RAB2B: variants seen among roughly 807,000 people sequenced by gnomAD.
RAB2B encodes RAB2B, member RAS oncogene family, also known as ras-related protein Rab-2B.
In RAB2B, 20 loss-of-function variants were observed where a neutral mutation model predicts 29.8. The observed-to-expected ratio is 0.67, with a 90% CI of 0.47 to 0.97. The LOEUF is 0.97. Among genes scored for constraint, RAB2B ranks in the 50% least tolerant of loss-of-function variants. The pLI, the probability that RAB2B is intolerant of heterozygous loss-of-function variation, is 0.00. For missense variants in RAB2B, 218 were observed against 272.0 expected (o/e 0.80, Z 1.40); for synonymous variants, 93 against 91.7 (o/e 1.01, Z -0.08).
Position 21,460,357 on chromosome 14 carries a change from T to C in RAB2B, c.*839A>G, listed in dbSNP as rs1212249777. On this transcript the variant is annotated 3_prime_UTR_variant, in exon 8 of 8. Coordinates refer to ENST00000397762, the MANE Select transcript of RAB2B (RefSeq NM_032846.4). ...AATCCAGCACTTTGGGAGGCCAAGGTGGGCGGATCACGAGGTCAAGAGATC... is the reference window on the plus strand; with the variant it reads ...AATCCAGCACTTTGGGAGGCCAAGGCGGGCGGATCACGAGGTCAAGAGATC... 3 of 502,478 alleles carry C rather than the reference T, an allele frequency of 6.0e-6. No homozygotes were observed. The highest frequency in any genetic ancestry group is 5.9e-5 in the African/African-American group (3 of 51,142). 31.1% of individuals were successfully genotyped at this position (502,478 alleles called of 1,614,324 possible). A position where few individuals can be genotyped will look rare whatever the true frequency, so the allele number is the denominator to read the frequency against.
At chr14:21,468,640 T>G in intron 4 of RAB2B, 30 bp downstream of exon 4, 3 of 1,444,668 alleles carry the variant, frequency 2.1e-6, no homozygotes, top group Non-Finnish European at 2.8e-6. Context: ...TAGGGAAGAA[T>G]CTCCCTCCCA....
At chr14:21,469,417 G>A (rs1890755587) in intron 3 of RAB2B, among the ~76,000 whole-genome samples, 1 of 152,168 alleles carries the variant, frequency 6.6e-6, no homozygotes, top group African/African-American at 2.4e-5. Flanking sequence ...AACAAACAGA[G>A]AAAGAAGCCC....
In RAB2B at chr14:21,476,729, G is replaced by A. The variant is rs554688656; in HGVS notation, c.46+98C>T. 1.0e-3 allele frequency: 1,351 copies of A among 1,350,048 alleles called. 8 individuals carry two copies. The African/African-American group carries it at 0.017, about 17-fold the overall frequency. 83.6% of individuals were successfully genotyped at this position (1,350,048 alleles called of 1,614,324 possible). On this transcript the variant is annotated intron_variant, in intron 1 of 7. Coordinates refer to ENST00000397762, the MANE Select transcript of RAB2B (RefSeq NM_032846.4). The stretch of plus-strand genomic sequence containing the variant: ...CGCCCCGAACCGCCCCGCCCGTCTC[G>A]AATCGCCCAGCCCACAAAGTGAGCC...
intron 7 of RAB2B, 72 bp downstream of exon 7, chr14:21,462,278 C>A: frequency 8.0e-7 from 1 of 1,248,402 alleles, no homozygotes; most frequent in Non-Finnish European, 1.1e-6. Flanking sequence ...TGTAAGCATT[C>A]CATTCTAGGG....
Position 21,474,901 on chromosome 14 carries a change from T to C in RAB2B, c.152A>G (p.Asp51Gly). The change falls in exon 3 of 8, where the codon GAT (aspartate) becomes GGT (glycine). Residue 51 changes from aspartate to glycine, a missense_variant. Physicochemically the swap from Asp to Gly is moderately conservative, Grantham distance 94. Transcript: ENST00000397762. ...GATTTGCAGTTTGATTTGTTTTCCATCAATGTTGACCATACGAGCTCCAAA... is the reference window on the plus strand; with the variant it reads ...GATTTGCAGTTTGATTTGTTTTCCACCAATGTTGACCATACGAGCTCCAAA... Reference protein sequence around the residue: ...VEFGARMVNIDGKQIKLQIWD... With the variant: ...VEFGARMVNIGGKQIKLQIWD... 6.2e-7 allele frequency: 1 copy of C among 1,614,100 alleles called. No individual in the cohort carries two copies. The highest frequency in any genetic ancestry group is 8.5e-7 in the Non-Finnish European group (1 of 1,179,970).
At chr14:21,462,440 TC>T (rs751462694) in intron 6 of RAB2B, 22 bp from the exon 7 acceptor site, 41 of 1,579,916 alleles carry the variant, frequency 2.6e-5, no homozygotes, top group African/African-American at 5.4e-5. Context: ...ATAAATCGTA[TC>T]ATCAGTCTCA....
chr14:21,476,798 G>A (rs1594420053), intron 1 of RAB2B, 29 bp downstream of exon 1: 1 of 1,595,174 alleles, frequency 6.3e-7, no homozygotes, highest in Non-Finnish European at 8.5e-7. Flanking sequence ...GCCCGCCCGA[G>A]CCTTGAAGGC....
Position 21,463,703 on chromosome 14 carries a change from G to C in RAB2B, c.427C>G (p.Leu143Val), listed in dbSNP as rs906086442. Reference protein sequence around the residue: ...EGEAFAREHGLIFMETSAKTA... With the variant: ...EGEAFAREHGVIFMETSAKTA... ...TTGGCTGAAGTTTCCATGAATATAA[G>C]TCCATGCTCCCTAGCAAAGGCCTCT... Residue 143 changes from leucine to valine, a missense_variant, in exon 6 of 8, where the codon CTT (leucine) becomes GTT (valine). Physicochemically the swap from Leu to Val is conservative, Grantham distance 32. Transcript: ENST00000397762. 3.1e-6 allele frequency: 5 copies of C among 1,613,908 alleles called. No individual in the cohort carries two copies. Among genetic ancestry groups the C allele is most frequent in the Middle Eastern group, 1.6e-4 (1 of 6,062 alleles).
intron 3 of RAB2B, among the ~76,000 whole-genome samples, chr14:21,470,993 C>CAAAAAAAA (rs869211285): frequency 7.1e-5 from 7 of 98,768 alleles, no homozygotes; most frequent in Admixed American, 1.2e-4. Context: ...GCTAAAAATA[C>CAAAAAAAA]AAAAAAAAAA....
chr14:21,469,199 C>T (rs992797443), intron 3 of RAB2B, among the ~76,000 whole-genome samples: 8 of 152,074 alleles, frequency 5.3e-5, no homozygotes, highest in African/African-American at 1.9e-4. Context: ...ATTAATCTTT[C>T]TGTTCCCATT....
At position 21,459,992 on chromosome 14, in the gene RAB2B, T is replaced by C; in HGVS notation, c.*1204A>G. The C allele has an allele frequency of 2.9e-6, 1 of 349,972 alleles. No homozygotes were observed. The highest frequency in any genetic ancestry group is 5.7e-6 in the Non-Finnish European group (1 of 175,456). 21.7% of individuals were successfully genotyped at this position (349,972 alleles called of 1,614,324 possible). On this transcript the variant is annotated 3_prime_UTR_variant, in exon 8 of 8. Transcript: ENST00000397762. ...CTTTAGGTAATAATAAGTGGCCACA[T>C]GTCCCTGACCAACTTCACTGCTCTT... is the stretch of plus-strand genomic sequence containing the variant.
chr14:21,474,831 A>G (rs1212331930), intron 3 of RAB2B, 36 bp downstream of exon 3: 1 of 1,548,718 alleles, frequency 6.5e-7, no homozygotes, highest in Admixed American at 1.7e-5. Flanking sequence ...TTATACTTGG[A>G]TATTGGTCAG....
rs994540222 is a variant in RAB2B at position 21,460,184 on chromosome 14, C to T, written c.*1012G>A. ...AAAAAAACTCAATGAAATTCCGAGG[C>T]AGAGGATCTATCAACCAAAGGCCAA... On this transcript the variant is annotated 3_prime_UTR_variant, in exon 8 of 8. Transcript: ENST00000397762. The T allele has an allele frequency of 5.8e-6, 3 of 518,830 alleles. No homozygotes were observed. The highest frequency in any genetic ancestry group is 5.8e-5 in the African/African-American group (3 of 51,924). 32.1% of individuals were successfully genotyped at this position (518,830 alleles called of 1,614,324 possible).
At chr14:21,461,575 C>T (rs1890557039) in intron 7 of RAB2B, among the ~76,000 whole-genome samples, 1 of 151,518 alleles carries the variant, frequency 6.6e-6, no homozygotes, top group Non-Finnish European at 1.5e-5. Context: ...CTTTTGTGCA[C>T]TTTTTTTTTC....
chr14:21,463,395 C>G (rs769534345), intron 6 of RAB2B, among the ~76,000 whole-genome samples: 1 of 151,892 alleles, frequency 6.6e-6, no homozygotes, highest in Non-Finnish European at 1.5e-5. Flanking sequence ...TACAGACACA[C>G]GCCGCCATGA....
chr14:21,467,723 C>T (rs1594411205), intron 5 of RAB2B, among the ~76,000 whole-genome samples: 4 of 152,184 alleles, frequency 2.6e-5, no homozygotes, highest in East Asian at 3.9e-4. Context: ...TGGGCATATA[C>T]CCAAAAGAAT....
At chr14:21,476,655 A>T in intron 1 of RAB2B, 56 bp from the exon 2 acceptor site, 1 of 1,613,540 alleles carries the variant, frequency 6.2e-7, no homozygotes, top group Non-Finnish European at 8.5e-7. Flanking sequence ...CTTCCAGAGT[A>T]TGGACTTCCC....
chr14:21,462,669 G>A (rs111242315), intron 6 of RAB2B, among the ~76,000 whole-genome samples: 5,372 of 151,594 alleles, frequency 0.035, 312 homozygotes, highest in African/African-American at 0.12. Context: ...GTGAAATCCC[G>A]TCTCCACTAA....
intron 1 of RAB2B, 52 bp from the exon 2 acceptor site, chr14:21,476,651 G>A (rs1305571136): frequency 6.2e-7 from 1 of 1,613,486 alleles, no homozygotes; most frequent in African/African-American, 1.3e-5. Context: ...ACACCTTCCA[G>A]AGTATGGACT....
Sources: gnomAD v4.1 joint callset for allele counts (sites outside exome capture counted in the v4.1 genomes callset) on GRCh38, gnomAD v4.1.1 for gene constraint, MANE v1.5 for transcripts, NCBI Gene and HGNC (gene_info 2026-07-23, HGNC 2026-07-21) for gene names.